HECW2: variants seen among roughly 807,000 people sequenced by gnomAD.
HECW2 encodes the protein E3 ubiquitin-protein ligase HECW2.
Under a neutral mutation model 175.2 loss-of-function variants are expected in HECW2, and 61 were observed. The observed-to-expected ratio is 0.35, with a 90% CI of 0.28 to 0.43. HECW2 has a LOEUF of 0.43. Among genes scored for constraint, HECW2 ranks in the 20% least tolerant of loss-of-function variants. The pLI is 1.00. For synonymous variants in HECW2, 671 were observed against 731.0 expected (o/e 0.92, Z 1.32); for missense variants, 1,524 against 2,000.5 (o/e 0.76, Z 4.54).
chr2:196,367,335 C>T (rs1035654792), intron 2 of HECW2, among the ~76,000 whole-genome samples: 18 of 152,098 alleles, frequency 1.2e-4, no homozygotes, highest in African/African-American at 4.1e-4. Context: ...TAGGCGTTTG[C>T]ATTTTTTAAT....
chr2:196,331,357 C>A, intron 4 of HECW2: 1 of 802,596 alleles, frequency 1.2e-6, no homozygotes, highest in Non-Finnish European at 1.5e-6. Context: ...GCTATCTCAT[C>A]CTGCTTTCAC....
intron 3 of HECW2, among the ~76,000 whole-genome samples, chr2:196,342,122 T>C (rs1360689736): frequency 6.6e-6 from 1 of 151,542 alleles, no homozygotes; most frequent in Non-Finnish European, 1.5e-5. Context: ...TAAAGAAAAA[T>C]GGCCAGGCAC....
At chr2:196,508,665 C>A (rs1687847858) in intron 1 of HECW2, among the ~76,000 whole-genome samples, 1 of 152,184 alleles carries the variant, frequency 6.6e-6, no homozygotes, top group East Asian at 1.9e-4. Flanking sequence ...GGCTCCCCAA[C>A]CTTCCTCCAC....
At chr2:196,374,408 C>A (rs1693992841) in intron 2 of HECW2, among the ~76,000 whole-genome samples, 1 of 152,142 alleles carries the variant, frequency 6.6e-6, no homozygotes, top group Non-Finnish European at 1.5e-5. Context: ...AACCTAAGTC[C>A]TTCATATTTG....
chr2:196,463,453 G>T (rs1696828570), intron 1 of HECW2, among the ~76,000 whole-genome samples: 1 of 148,322 alleles, frequency 6.7e-6, no homozygotes, highest in Non-Finnish European at 1.5e-5. Flanking sequence ...AAAAAGAAAA[G>T]AAAAATTCCA....
chr2:196,303,601 T>C (rs981484218), intron 13 of HECW2, among the ~76,000 whole-genome samples: 1 of 152,240 alleles, frequency 6.6e-6, no homozygotes, highest in African/African-American at 2.4e-5. Context: ...TATTGGTCTA[T>C]TCATAGATTC....
At position 196,319,638 on chromosome 2, in the gene HECW2, CATT is replaced by C. The variant is rs774571391; in HGVS notation, c.1249_1251del (p.Asn417del). The C allele has an allele frequency of 2.7e-5, 43 of 1,614,232 alleles. No homozygotes were observed. In the Admixed American group the frequency reaches 7.0e-4, roughly 26 times the overall value. On this transcript the variant is annotated inframe_deletion, in exon 9 of 29. Transcript: ENST00000644978. ...TTGTGTTCGATAGCATCTAAGTAAT[CATT>C]GAGTGAATCCTGACGTCCTCTGGGA...
At chr2:196,406,988 T>C (rs1694981919) in intron 2 of HECW2, among the ~76,000 whole-genome samples, 1 of 152,200 alleles carries the variant, frequency 6.6e-6, no homozygotes, top group Non-Finnish European at 1.5e-5. Context: ...CTTTAGAATG[T>C]AAGCTCCACA....
intron 19 of HECW2, among the ~76,000 whole-genome samples, chr2:196,248,440 C>G (rs1288760378): frequency 6.6e-6 from 1 of 152,000 alleles, no homozygotes; most frequent in Non-Finnish European, 1.5e-5. Context: ...AGGGAGCATC[C>G]TTCATTTGTG....
At chr2:196,227,925 G>T (rs891634213) in intron 22 of HECW2, among the ~76,000 whole-genome samples, 177 bp downstream of exon 22, 1 of 152,168 alleles carries the variant, frequency 6.6e-6, no homozygotes, top group Non-Finnish European at 1.5e-5. Flanking sequence ...GTCCTAGCTT[G>T]GAGACTGCCT....
intron 1 of HECW2, among the ~76,000 whole-genome samples, chr2:196,465,945 T>C (rs1173236156): frequency 3.3e-5 from 5 of 152,184 alleles, no homozygotes; most frequent in Admixed American, 6.5e-5. Flanking sequence ...TTCAAAGAAA[T>C]TGCTTTCACA....
intron 1 of HECW2, among the ~76,000 whole-genome samples, chr2:196,508,692 A>C (rs1208996995): frequency 6.6e-6 from 1 of 152,078 alleles, no homozygotes; most frequent in African/African-American, 2.4e-5. Context: ...TTTTTCCTCC[A>C]TCACTTCATC....
chr2:196,456,513 T>G (rs1357734227), intron 1 of HECW2, among the ~76,000 whole-genome samples: 2 of 152,190 alleles, frequency 1.3e-5, no homozygotes, highest in African/African-American at 4.8e-5. Flanking sequence ...TGACCATATG[T>G]CTTCTGGAGA....
intron 21 of HECW2, among the ~76,000 whole-genome samples, chr2:196,236,237 A>G (rs972779001): frequency 6.6e-6 from 1 of 152,172 alleles, no homozygotes; most frequent in South Asian, 2.1e-4. Flanking sequence ...GCATATACAT[A>G]CCAAAATTTA....
At chr2:196,333,257 G>T (rs539543856) in intron 4 of HECW2, among the ~76,000 whole-genome samples, 2 of 152,038 alleles carry the variant, frequency 1.3e-5, no homozygotes, top group South Asian at 4.2e-4. Flanking sequence ...CAATGACGGC[G>T]TTTTTCTTCA....
At position 196,546,210 on chromosome 2, in the gene HECW2, C is replaced by CT. The variant is rs373408215; in HGVS notation, c.-36+47297dup. Among the ~76,000 whole-genome samples the CT allele has an allele frequency of 2.0e-3, 309 of 152,276 alleles. 2 individuals carry two copies. Among genetic ancestry groups the CT allele is most frequent in the African/African-American group, 6.8e-3 (284 of 41,550 alleles). ...CACAAATCCTGTCTGTGGTTAGATT[C>CT]TTTGAGGACCTCCCCTTAGTGCCAC... On this transcript the variant is annotated intron_variant, in intron 1 of 28. Coordinates refer to ENST00000644978, the MANE Select transcript of HECW2 (RefSeq NM_001348768.2).
chr2:196,219,076 C>G (rs1311619103), intron 26 of HECW2, among the ~76,000 whole-genome samples: 1 of 152,156 alleles, frequency 6.6e-6, no homozygotes, highest in East Asian at 1.9e-4. Flanking sequence ...AAAAAAATCT[C>G]TGCTTCAACT....
intron 1 of HECW2, among the ~76,000 whole-genome samples, chr2:196,585,249 T>C (rs997661489): frequency 5.9e-5 from 9 of 152,228 alleles, no homozygotes; most frequent in Middle Eastern, 3.2e-3. Context: ...CTGTCTTATC[T>C]GGACAGAGCC....
At chr2:196,482,679 T>G (rs745509988) in intron 1 of HECW2, among the ~76,000 whole-genome samples, 1 of 152,176 alleles carries the variant, frequency 6.6e-6, no homozygotes, top group South Asian at 2.1e-4. Context: ...GCATCTGTCC[T>G]GGGAGGCAAG....
Sources: allele counts gnomAD v4.1 joint callset (sites outside exome capture counted in the v4.1 genomes callset), GRCh38; gene constraint gnomAD v4.1.1; transcripts MANE v1.5; gene names NCBI Gene and HGNC (gene_info 2026-07-23, HGNC 2026-07-21).